CD6: variants seen among roughly 807,000 people sequenced by gnomAD.
CD6 encodes the protein CD6 molecule.
A neutral mutation model predicts 75.3 loss-of-function variants in CD6; 53 were observed. The observed-to-expected ratio is 0.70, with a 90% CI of 0.56 to 0.88. The LOEUF is 0.88. CD6 is among the 40% of genes least tolerant of loss of function. The pLI is 0.00. For missense variants in CD6, 770 were observed against 897.1 expected (o/e 0.86, Z 1.81); for synonymous variants, 359 against 381.5 (o/e 0.94, Z 0.69).
At chr11:60,973,245 G>A (rs1006808070) in intron 1 of CD6, among the ~76,000 whole-genome samples, 1 of 152,228 alleles carries the variant, frequency 6.6e-6, no homozygotes, top group African/African-American at 2.4e-5. Context: ...TTGGCAGCTG[G>A]CCCAGCAGCC....
intron 1 of CD6, among the ~76,000 whole-genome samples, chr11:60,991,091 T>A (rs1275693103): frequency 1.3e-5 from 2 of 151,808 alleles, no homozygotes; most frequent in African/African-American, 4.8e-5. Flanking sequence ...TTGAAATCTA[T>A]GAGGTATCAT....
chr11:60,993,680 T>G (rs761711620), intron 1 of CD6, among the ~76,000 whole-genome samples: 22 of 152,190 alleles, frequency 1.4e-4, no homozygotes, highest in Non-Finnish European at 1.5e-5. Context: ...CCAGAGTCCC[T>G]GTCTAAGTCA....
At chr11:61,005,608 G>C (rs1265238628) in intron 1 of CD6, among the ~76,000 whole-genome samples, 1 of 152,192 alleles carries the variant, frequency 6.6e-6, no homozygotes, top group Non-Finnish European at 1.5e-5. Flanking sequence ...AAATAAGAAT[G>C]CTAACACCTG....
rs141687702 is a variant in CD6 at position 60,973,329 on chromosome 11, G to T, written c.49+1415G>T. ...CAGAGACCTGGGCAGAGCTCAGGGA[G>T]GTCAAACAAAGTAGTCCTGGAGCCT... On this transcript the variant is annotated intron_variant, in intron 1 of 12. Transcript: ENST00000313421. Among the ~76,000 whole-genome samples, 364 of 152,332 alleles carry T rather than the reference G, an allele frequency of 2.4e-3. 3 individuals carry two copies. Among genetic ancestry groups the T allele is most frequent in the Middle Eastern group, 0.017 (5 of 294 alleles).
intron 1 of CD6, among the ~76,000 whole-genome samples, chr11:61,002,167 A>T (rs1373672785): frequency 1.3e-5 from 2 of 152,188 alleles, no homozygotes; most frequent in Non-Finnish European, 2.9e-5. Flanking sequence ...TAAAGGCTGC[A>T]TAAGATGCCA....
chr11:61,017,624 C>G (rs1859470726), intron 10 of CD6, 74 bp downstream of exon 10: 8 of 1,561,726 alleles, frequency 5.1e-6, no homozygotes, highest in Non-Finnish European at 6.2e-6. Flanking sequence ...TTGAGACCTT[C>G]CAGCAGGAAC....
chr11:60,986,922 G>A (rs1857841542), intron 1 of CD6, among the ~76,000 whole-genome samples: 1 of 152,162 alleles, frequency 6.6e-6, no homozygotes, highest in African/African-American at 2.4e-5. Flanking sequence ...GAGGTCAGGA[G>A]TTCAAGACCA....
intron 1 of CD6, among the ~76,000 whole-genome samples, chr11:61,000,604 C>A (rs1327106805): frequency 6.6e-6 from 1 of 152,204 alleles, no homozygotes; most frequent in African/African-American, 2.4e-5. Flanking sequence ...TGTTTCCCCA[C>A]CAGGCTTGCT....
chr11:61,009,999 A>G (rs1859070964), intron 5 of CD6, 125 bp downstream of exon 5: 1 of 933,034 alleles, frequency 1.1e-6, no homozygotes, highest in Non-Finnish European at 1.6e-6. Flanking sequence ...TGGCATAAGA[A>G]GGACTGTTGT....
intron 11 of CD6, 120 bp downstream of exon 11, chr11:61,018,133 G>C (rs920584774): frequency 7.3e-7 from 1 of 1,374,382 alleles, no homozygotes; most frequent in African/African-American, 1.4e-5. Context: ...GCCATTCGCT[G>C]TGTGCCCTTG....
At chr11:61,012,194 C>A (rs1172111774) in intron 6 of CD6, among the ~76,000 whole-genome samples, 1 of 152,202 alleles carries the variant, frequency 6.6e-6, no homozygotes, top group East Asian at 1.9e-4. Context: ...CACAGGCTGC[C>A]GGGCAAGCTC....
At position 61,009,618 on chromosome 11, in the gene CD6, G is replaced by T; in HGVS notation, c.828G>T (p.Gly276=). 2 of 1,613,254 alleles carry T rather than the reference G, an allele frequency of 1.2e-6. No individual in the cohort carries two copies. Among genetic ancestry groups the T allele is most frequent in the South Asian group, 1.1e-5 (1 of 91,028 alleles). The change falls in exon 5 of 13, where the codon GGG becomes GGT. Residue 276 remains glycine, a synonymous_variant. Coordinates refer to ENST00000313421, the MANE Select transcript of CD6 (RefSeq NM_006725.5). ...CAGGGGGCGCTGACCGCTGCGAGGG[G>T]CAGGTGGAGGTACACTTCCGAGGGG... ...RLTGGADRCE[G]QVEVHFRGVW...
In CD6 at chr11:61,015,850, G is replaced by C. The variant is rs746592554; in HGVS notation, c.1510+15G>C. 2 of 1,613,212 alleles carry C rather than the reference G, an allele frequency of 1.2e-6. No individual in the cohort carries two copies. Among genetic ancestry groups the C allele is most frequent in the South Asian group, 1.1e-5 (1 of 91,054 alleles). On this transcript the variant is annotated intron_variant, in intron 9 of 12. Coordinates refer to ENST00000313421, the MANE Select transcript of CD6 (RefSeq NM_006725.5). ...CACCTTCTACAGTGAGTGCCTGGCC[G>C]GGCTCCCGAGGGCCCACCTACCTGA... is the stretch of plus-strand genomic sequence containing the variant.
At chr11:60,993,956 T>G (rs918063949) in intron 1 of CD6, among the ~76,000 whole-genome samples, 1 of 152,140 alleles carries the variant, frequency 6.6e-6, no homozygotes, top group African/African-American at 2.4e-5. Context: ...TGAACGTACC[T>G]CAAAGCCTGT....
chr11:61,007,660 C>T lies in CD6; in HGVS notation c.219C>T (p.Leu73=), dbSNP rs986688315. 6.9e-7 allele frequency: 1 copy of T among 1,439,442 alleles called. No individual in the cohort carries two copies. The allele number at this position is 1,439,442 out of a possible 1,614,324, so 89.2% of individuals were successfully genotyped here. Residue 73 remains leucine, a synonymous_variant, in exon 3 of 13, where the codon CTC becomes CTT. Coordinates refer to ENST00000313421, the MANE Select transcript of CD6 (RefSeq NM_006725.5). The surrounding 1 kb of genome is among the most constrained non-coding windows in gnomAD (Gnocchi z 4.2). ...CCTGGGAGCCCGCGTGCGGGGCGCTCTGGGACAGCCGCGCCGCCGAGGCCG... is the reference window on the plus strand; with the variant it reads ...CCTGGGAGCCCGCGTGCGGGGCGCTTTGGGACAGCCGCGCCGCCGAGGCCG... ...EASWEPACGA[L]WDSRAAEAVC...
At chr11:61,010,958 C>A in intron 5 of CD6, 112 bp from the exon 6 acceptor site, 1 of 949,286 alleles carries the variant, frequency 1.1e-6, no homozygotes, top group Non-Finnish European at 1.7e-6. Context: ...GATGGGAGCA[C>A]AACCCTAGTT....
At chr11:60,996,457 T>G (rs1003216592) in intron 1 of CD6, among the ~76,000 whole-genome samples, 2 of 152,218 alleles carry the variant, frequency 1.3e-5, no homozygotes, top group African/African-American at 4.8e-5. Flanking sequence ...TCCCGGCCAC[T>G]GGGCAAGGGG....
intron 1 of CD6, among the ~76,000 whole-genome samples, chr11:60,973,631 A>C (rs910637621): frequency 2.6e-5 from 4 of 152,214 alleles, no homozygotes; most frequent in African/African-American, 9.6e-5. Flanking sequence ...AAGTGAAAAG[A>C]TCGTGAAGAC....
intron 6 of CD6, among the ~76,000 whole-genome samples, chr11:61,013,064 T>C (rs1164784292): frequency 6.6e-6 from 1 of 152,212 alleles, no homozygotes; most frequent in African/African-American, 2.4e-5. Flanking sequence ...TGTGATACTG[T>C]TGTCTTATGT....
Sources: gnomAD v4.1 joint callset for allele counts (sites outside exome capture counted in the v4.1 genomes callset) on GRCh38, gnomAD v4.1.1 for gene constraint, Gnocchi (gnomAD v3.1) non-coding constraint, MANE v1.5 for transcripts, NCBI Gene and HGNC (gene_info 2026-07-23, HGNC 2026-07-21) for gene names.